Variants in DNAJB12 observed in about 807,000 individuals in gnomAD.
The protein encoded by DNAJB12 is DnaJ heat shock protein family (Hsp40) member B12.
In DNAJB12, 14 loss-of-function variants were observed where a neutral mutation model predicts 40.6. That is an observed-to-expected ratio of 0.34 (90% CI 0.23 to 0.54). The LOEUF (loss-of-function observed/expected upper bound fraction) is 0.54. DNAJB12 is among the 20% of genes least tolerant of loss of function. The pLI is 0.92. For missense variants in DNAJB12, 444 were observed against 501.7 expected (o/e 0.89, Z 1.10); for synonymous variants, 181 against 199.5 (o/e 0.91, Z 0.78).
chr10:72,350,734 G>A (rs562680101), intron 1 of DNAJB12, among the ~76,000 whole-genome samples: 1 of 152,316 alleles, frequency 6.6e-6, no homozygotes, highest in African/African-American at 2.4e-5. Context: ...TAGCCATGTG[G>A]CCTTGCCAGG....
intron 1 of DNAJB12, among the ~76,000 whole-genome samples, chr10:72,352,611 C>T (rs1232749777): frequency 6.6e-6 from 1 of 152,126 alleles, no homozygotes; most frequent in Admixed American, 6.5e-5. Flanking sequence ...TTTTTTCATG[C>T]CTGTCCTTAA....
At position 72,334,505 on chromosome 10, in the gene DNAJB12, T is replaced by C; in HGVS notation, c.*143A>G. On this transcript the variant is annotated 3_prime_UTR_variant, in exon 9 of 9. Coordinates refer to ENST00000444643, the MANE Select transcript of DNAJB12 (RefSeq NM_017626.7). ...TGAGAGAGAGGGCAGCTGTGCAGCG[T>C]TCGGCCTCCAATTCCATTTTAATTT... The C allele has an allele frequency of 2.7e-6, 4 of 1,466,144 alleles. No homozygotes were observed. The highest frequency in any genetic ancestry group is 3.7e-6 in the Non-Finnish European group (4 of 1,083,600). 90.8% of individuals were successfully genotyped at this position (1,466,144 alleles called of 1,614,324 possible).
chr10:72,344,298 C>T (rs1402998588), intron 2 of DNAJB12, among the ~76,000 whole-genome samples: 1 of 152,188 alleles, frequency 6.6e-6, no homozygotes, highest in East Asian at 1.9e-4. Context: ...TTATGGCAAA[C>T]AGCAGTCATG....
chr10:72,336,500 C>G (rs200390383), intron 7 of DNAJB12, 24 bp downstream of exon 7: 1 of 1,607,312 alleles, frequency 6.2e-7, no homozygotes, highest in Admixed American at 1.7e-5. Flanking sequence ...CCAAATACAG[C>G]CCCCGCCTTC....
chr10:72,346,156 ATTTT>A (rs917812123), intron 1 of DNAJB12, among the ~76,000 whole-genome samples: 2 of 150,912 alleles, frequency 1.3e-5, no homozygotes, highest in African/African-American at 2.4e-5. Flanking sequence ...ATTTAGAGTT[ATTTT>A]TTTTTATTTG....
chr10:72,338,416 C>T (rs940308160), intron 5 of DNAJB12, 105 bp from the exon 6 acceptor site: 49 of 880,406 alleles, frequency 5.6e-5, no homozygotes, highest in Non-Finnish European at 8.0e-5. Context: ...GGAGACATGA[C>T]ACCACTCTGC....
chr10:72,348,957 G>A (rs74145758), intron 1 of DNAJB12, among the ~76,000 whole-genome samples: 3,447 of 152,302 alleles, frequency 0.023, 117 homozygotes, highest in East Asian at 0.084. Context: ...AGCTGGTTAG[G>A]AGGCAGAGGG....
chr10:72,336,817 A>G (rs936428371), intron 6 of DNAJB12, 121 bp from the exon 7 acceptor site: 7 of 788,400 alleles, frequency 8.9e-6, no homozygotes, highest in Admixed American at 5.3e-5. Flanking sequence ...TCCCTCTCAA[A>G]CCAGAGCAGG....
At chr10:72,337,043 A>G (rs1478990008) in intron 6 of DNAJB12, among the ~76,000 whole-genome samples, 1 of 152,142 alleles carries the variant, frequency 6.6e-6, no homozygotes, top group Non-Finnish European at 1.5e-5. Flanking sequence ...CCCTAAGCCA[A>G]TTGTTGCTGA....
intron 8 of DNAJB12, 187 bp from the exon 9 acceptor site, chr10:72,334,804 CAG>C (rs750676143): frequency 5.3e-4 from 731 of 1,382,956 alleles, no homozygotes; most frequent in Non-Finnish European, 6.3e-4. Flanking sequence ...GGCCTCCAGG[CAG>C]AGTCAGCCAT....
chr10:72,347,719 G>T (rs1358818197), intron 1 of DNAJB12, among the ~76,000 whole-genome samples: 2 of 152,268 alleles, frequency 1.3e-5, no homozygotes, highest in South Asian at 2.1e-4. Flanking sequence ...TTCAAGACCA[G>T]CCTGGCCAAC....
chr10:72,344,675 C>T (rs557895442), intron 2 of DNAJB12, among the ~76,000 whole-genome samples: 30 of 152,334 alleles, frequency 2.0e-4, no homozygotes, highest in Middle Eastern at 3.4e-3. Context: ...GCCTGGCCAG[C>T]GGCAGAGGAA....
intron 3 of DNAJB12, 38 bp downstream of exon 3, chr10:72,343,328 G>T (rs1268282640): frequency 6.3e-7 from 1 of 1,598,572 alleles, no homozygotes; most frequent in Admixed American, 1.7e-5. Flanking sequence ...GACAGGAGAT[G>T]AACACACCAA....
intron 5 of DNAJB12, among the ~76,000 whole-genome samples, chr10:72,339,406 C>T (rs1044345441): frequency 2.0e-5 from 3 of 151,580 alleles, no homozygotes; most frequent in African/African-American, 7.3e-5. Flanking sequence ...TGGTGGCGGG[C>T]GCCTGTACTC....
At chr10:72,354,265 G>A (rs12356387) in intron 1 of DNAJB12, 1 of 154,702 alleles carries the variant, frequency 6.5e-6, no homozygotes, top group Admixed American at 6.4e-5. Context: ...CTGACCCTCA[G>A]CCCGAGAGGT....
At chr10:72,343,632 C>T in intron 2 of DNAJB12, 121 bp from the exon 3 acceptor site, 1 of 1,036,136 alleles carries the variant, frequency 9.7e-7, no homozygotes, top group Non-Finnish European at 1.4e-6. Flanking sequence ...CAGGGCAAGG[C>T]TGACAGCTCC....
In DNAJB12 at chr10:72,343,406, T is replaced by C. The variant is rs1861691327; in HGVS notation, c.417A>G (p.Pro139=). The C allele has an allele frequency of 1.2e-6, 2 of 1,614,084 alleles. No individual in the cohort carries two copies. Among genetic ancestry groups the C allele is most frequent in the Non-Finnish European group, 1.7e-6 (2 of 1,179,984 alleles). The change falls in exon 3 of 9, where the codon CCA becomes CCG. Residue 139 remains proline, a synonymous_variant. Coordinates refer to ENST00000444643, the MANE Select transcript of DNAJB12 (RefSeq NM_017626.7). ...AYRRLALKFH[P]DKNHAPGATE... is the part of the protein sequence containing the mutation. ...TGGCACCAGGTGCGTGGTTCTTGTC[T>C]GGGTGGAATTTGAGGGCCAGTCTGC...
intron 1 of DNAJB12, among the ~76,000 whole-genome samples, chr10:72,350,398 CAAAAAAAAAAAAA>C (rs35316232): frequency 2.5e-4 from 7 of 27,820 alleles, no homozygotes; most frequent in East Asian, 1.2e-3. Flanking sequence ...GACCCTGTCT[CAAAAAAAAAAAAA>C]AAAAAAAAAA....
chr10:72,353,851 T>G (rs1861994539), intron 1 of DNAJB12: 1 of 152,214 alleles, frequency 6.6e-6, no homozygotes. Flanking sequence ...GTGCCTGTTA[T>G]TCCCAGACGG....
Sources: allele counts gnomAD v4.1 joint callset (sites outside exome capture counted in the v4.1 genomes callset), GRCh38; gene constraint gnomAD v4.1.1; transcripts MANE v1.5; gene names NCBI Gene and HGNC (gene_info 2026-07-23, HGNC 2026-07-21).